Variants in UBE2K observed in about 807,000 individuals in gnomAD.
UBE2K encodes the protein ubiquitin-conjugating enzyme E2 K.
Under a neutral mutation model 30.0 loss-of-function variants are expected in UBE2K, and 6 were observed. That is an observed-to-expected ratio of 0.20 (90% confidence interval 0.11 to 0.39). UBE2K has a LOEUF of 0.39. Among genes scored for constraint, UBE2K ranks in the 10% least tolerant of loss-of-function variants. The probability of loss-of-function intolerance (pLI) is 1.00; values close to 1 mark genes in which losing one functional copy is unlikely to be tolerated. For missense variants in UBE2K, 61 were observed against 241.6 expected, an observed-to-expected ratio of 0.25 and a Z score of 4.96; for synonymous variants, 86 against 83.7, an observed-to-expected ratio of 1.03 and a Z score of -0.15.
intron 1 of UBE2K, among the ~76,000 whole-genome samples, chr4:39,717,138 C>T (rs1719113608): frequency 6.6e-6 from 1 of 152,010 alleles, no homozygotes; most frequent in Non-Finnish European, 1.5e-5. Context: ...CTGCACTTCA[C>T]AGAGCCAAGA....
intron 3 of UBE2K, among the ~76,000 whole-genome samples, chr4:39,754,060 G>C (rs543260303): frequency 6.6e-6 from 1 of 152,326 alleles, no homozygotes; most frequent in South Asian, 2.1e-4. Flanking sequence ...GGGCCCACAT[G>C]AAGGGAATGA....
chr4:39,752,497 C>T lies in UBE2K; in HGVS notation c.217-3160C>T, dbSNP rs942781687. On this transcript the variant is annotated intron_variant, in intron 3 of 6. Coordinates refer to ENST00000261427, the MANE Select transcript of UBE2K (RefSeq NM_005339.5). ...GACTACAGGCGCCCGCCACCGCGCC[C>T]GGCTAATTTTTTGTATTTTTAGTAG... 3.3e-4 allele frequency among the ~76,000 whole-genome samples: 50 copies of T among 151,688 alleles called. 1 individual carries two copies. In the South Asian group the frequency reaches 6.2e-3, roughly 19 times the overall value.
chr4:39,759,895 G>A (rs748726730), intron 4 of UBE2K, among the ~76,000 whole-genome samples: 83 of 152,242 alleles, frequency 5.5e-4, no homozygotes, highest in Middle Eastern at 3.4e-3. Flanking sequence ...GCTTAACCAG[G>A]CAGGGCACGG....
chr4:39,725,136 T>C (rs779624037), intron 1 of UBE2K, among the ~76,000 whole-genome samples: 2 of 152,126 alleles, frequency 1.3e-5, no homozygotes, highest in African/African-American at 2.4e-5. Flanking sequence ...ATCCCAGCAC[T>C]TTGGGAGTCC....
At chr4:39,725,360 A>T (rs1719686941) in intron 1 of UBE2K, among the ~76,000 whole-genome samples, 1 of 124,268 alleles carries the variant, frequency 8.0e-6, no homozygotes, top group Admixed American at 1.0e-4. Flanking sequence ...CCTGGGTGAC[A>T]GAGCAAGACC....
At chr4:39,758,089 G>C (rs917250463) in intron 4 of UBE2K, among the ~76,000 whole-genome samples, 1 of 152,178 alleles carries the variant, frequency 6.6e-6, no homozygotes, top group African/African-American at 2.4e-5. Flanking sequence ...TGAACTGATA[G>C]TCTCCTAACC....
At chr4:39,760,174 C>CTCAAAAAA (rs1197453003) in intron 4 of UBE2K, among the ~76,000 whole-genome samples, 2 of 5,394 alleles carry the variant, frequency 3.7e-4, no homozygotes, top group African/African-American at 3.9e-3. Flanking sequence ...GAGACTCTGT[C>CTCAAAAAA]ACAAAAAAAA....
chr4:39,728,809 G>GTTTT (rs1364708681), intron 1 of UBE2K, among the ~76,000 whole-genome samples: 1 of 123,742 alleles, frequency 8.1e-6, no homozygotes, highest in Non-Finnish European at 1.9e-5. Context: ...CGGCTAGTAG[G>GTTTT]TTTTTTTTGT....
chr4:39,700,639 A>G (rs1717956771), intron 1 of UBE2K, among the ~76,000 whole-genome samples: 1 of 152,212 alleles, frequency 6.6e-6, no homozygotes, highest in Admixed American at 6.6e-5. Context: ...GGGTGTAAAT[A>G]CAGTCTTTTG....
intron 1 of UBE2K, among the ~76,000 whole-genome samples, chr4:39,706,392 G>A (rs764351523): frequency 6.7e-6 from 1 of 150,006 alleles, no homozygotes; most frequent in African/African-American, 2.5e-5. Flanking sequence ...TTAAACTCGC[G>A]GCCTCAGATG....
chr4:39,722,728 A>G (rs1719494007), intron 1 of UBE2K, among the ~76,000 whole-genome samples: 1 of 150,826 alleles, frequency 6.6e-6, no homozygotes, highest in Non-Finnish European at 1.5e-5. Context: ...CCCGTGTGGG[A>G]TTTTTTTTTC....
rs940092164 is a variant in UBE2K at position 39,720,334 on chromosome 4, T to C, written c.64-17086T>C. ...GTGGGAAGGTAATTTTTTTTTTTTT[T>C]CTGTAGTTTTCCCTTTTGAAGATCT... On this transcript the variant is annotated intron_variant, in intron 1 of 6. Coordinates refer to ENST00000261427, the MANE Select transcript of UBE2K (RefSeq NM_005339.5). Among the ~76,000 whole-genome samples, 6 of 144,978 alleles carry C rather than the reference T, an allele frequency of 4.1e-5. No homozygotes were observed. The South Asian group carries it at 6.6e-4, about 16-fold the overall frequency.
intron 1 of UBE2K, among the ~76,000 whole-genome samples, chr4:39,726,113 G>A (rs530756971): frequency 1.3e-5 from 2 of 152,156 alleles, no homozygotes; most frequent in African/African-American, 4.8e-5. Flanking sequence ...GTTTGCCAGC[G>A]TTTTTGGTGT....
At chr4:39,746,468 C>T (rs1476199264) in intron 3 of UBE2K, among the ~76,000 whole-genome samples, 7 of 152,144 alleles carry the variant, frequency 4.6e-5, no homozygotes, top group African/African-American at 1.4e-4. Context: ...ATTATTTAAT[C>T]ACCCTTCCAT....
rs144799185 is a variant in UBE2K at position 39,739,796 on chromosome 4, C to T, written c.157+2283C>T. On this transcript the variant is annotated intron_variant, in intron 2 of 6. Coordinates refer to ENST00000261427, the MANE Select transcript of UBE2K (RefSeq NM_005339.5). The stretch of plus-strand genomic sequence containing the variant: ...GAGAGATGGCATCTTGCCAAGTTAC[C>T]GAGGCTGGTCTCAAACCCCTGGCCT... Among the ~76,000 whole-genome samples, 379 of 152,258 alleles carry T rather than the reference C, an allele frequency of 2.5e-3. 3 individuals are homozygous for T. The highest frequency in any genetic ancestry group is 8.6e-3 in the African/African-American group (359 of 41,546).
chr4:39,746,471 C>T (rs1720996339), intron 3 of UBE2K, among the ~76,000 whole-genome samples: 1 of 152,134 alleles, frequency 6.6e-6, no homozygotes, highest in South Asian at 2.1e-4. Context: ...ATTTAATCAC[C>T]CTTCCATCTT....
intron 1 of UBE2K, among the ~76,000 whole-genome samples, chr4:39,719,238 C>T (rs1191239598): frequency 8.5e-5 from 13 of 152,278 alleles, no homozygotes; most frequent in African/African-American, 1.7e-4. Context: ...CTTTACCTTT[C>T]GAAACCTACT....
rs1713581152 is a variant in UBE2K at position 39,781,035 on chromosome 4, T to TA, written c.*2601_*2602insA. ...AGGCTTTTGTTATAATCAGGCCTGT[T>TA]TCCTGAGTATGTGCCTCTTTTAAAA... On this transcript the variant is annotated 3_prime_UTR_variant, in exon 7 of 7. Transcript: ENST00000261427. 1 of 152,162 alleles carries TA rather than the reference T, an allele frequency of 6.6e-6. No homozygotes were observed. Among genetic ancestry groups the TA allele is most frequent in the Non-Finnish European group, 1.5e-5 (1 of 67,998 alleles). The allele number at this position is 152,162 out of a possible 1,614,324, so 9.4% of individuals were successfully genotyped here. A position where few individuals can be genotyped will look rare whatever the true frequency, so the allele number is the denominator to read the frequency against.
chr4:39,755,958 CACTTTGAAA>C, intron 4 of UBE2K, among the ~76,000 whole-genome samples: 1 of 152,330 alleles, frequency 6.6e-6, no homozygotes, highest in South Asian at 2.1e-4. Context: ...GCTAGCTTTA[CACTTTGAAA>C]AGCCTTGGAT....
Sources: allele counts gnomAD v4.1 joint callset (sites outside exome capture counted in the v4.1 genomes callset), GRCh38; gene constraint gnomAD v4.1.1; transcripts MANE v1.5; gene names NCBI Gene and HGNC (gene_info 2026-07-23, HGNC 2026-07-21).